The following DENND1A variants were observed in gnomAD, a reference collection of about 807,000 sequenced individuals.
DENND1A encodes the protein DENN domain-containing protein 1A.
Under a neutral mutation model 113.7 loss-of-function variants are expected in DENND1A, and 51 were observed. The observed-to-expected ratio is 0.45, with a 90% CI of 0.36 to 0.57. The LOEUF is 0.57. Ranked by LOEUF, DENND1A falls within the 20% of genes least tolerant of loss-of-function variation. DENND1A has a pLI of 0.00. For synonymous variants in DENND1A, 565 were observed against 570.8 expected (o/e 0.99, Z 0.14); for missense variants, 1,258 against 1,395.9 (o/e 0.90, Z 1.57).
At chr9:123,457,658 A>G (rs943468366) in intron 14 of DENND1A, 135 bp downstream of exon 14, 16 of 866,646 alleles carry the variant, frequency 1.8e-5, no homozygotes, top group Admixed American at 2.6e-5. Context: ...TCTTCATCCA[A>G]TCCCCCTCCC....
intron 13 of DENND1A, among the ~76,000 whole-genome samples, chr9:123,482,771 GGGAAAGTAACCTGTGTGCTCAGAGGGGAA>G (rs1564571512): frequency 6.6e-6 from 1 of 152,214 alleles, no homozygotes; most frequent in Non-Finnish European, 1.5e-5. Flanking sequence ...AAGCATTCCT[GGGAAAGTAACCTGTGTGCTCAGAGGGGAA>G]GGTGGGCAGA....
At chr9:123,573,597 C>T (rs1273837434) in intron 12 of DENND1A, among the ~76,000 whole-genome samples, 1 of 151,880 alleles carries the variant, frequency 6.6e-6, no homozygotes, top group Non-Finnish European at 1.5e-5. Context: ...TTTTCAATTG[C>T]TTGTTACTAG....
intron 2 of DENND1A, among the ~76,000 whole-genome samples, chr9:123,865,849 C>G (rs1391865434): frequency 6.6e-6 from 1 of 152,094 alleles, no homozygotes; most frequent in East Asian, 1.9e-4. Flanking sequence ...CCCACATGAC[C>G]TGACTCTAGA....
At chr9:123,505,852 T>C (rs1269786013) in intron 13 of DENND1A, among the ~76,000 whole-genome samples, 5 of 152,328 alleles carry the variant, frequency 3.3e-5, no homozygotes, top group African/African-American at 9.6e-5. Flanking sequence ...GGCTCTCGGA[T>C]GGCCTTGGGT....
intron 1 of DENND1A, among the ~76,000 whole-genome samples, chr9:123,889,637 C>T (rs1849613011): frequency 6.6e-6 from 1 of 152,102 alleles, no homozygotes; most frequent in African/African-American, 2.4e-5. Flanking sequence ...AAAAGTCTCT[C>T]CTCTACAGAG....
At chr9:123,461,576 G>T (rs753280576) in intron 13 of DENND1A, among the ~76,000 whole-genome samples, 3 of 152,236 alleles carry the variant, frequency 2.0e-5, no homozygotes, top group Non-Finnish European at 4.4e-5. Context: ...TTGGCTCAGG[G>T]TTGCCAGGAA....
chr9:123,765,808 A>G (rs187068326), intron 4 of DENND1A, among the ~76,000 whole-genome samples: 1 of 152,278 alleles, frequency 6.6e-6, no homozygotes, highest in African/African-American at 2.4e-5. Flanking sequence ...GAATCTCAAC[A>G]CTGACACTTC....
At chr9:123,578,850 G>GTA (rs1457838360) in intron 12 of DENND1A, among the ~76,000 whole-genome samples, 3 of 151,944 alleles carry the variant, frequency 2.0e-5, no homozygotes, top group Non-Finnish European at 4.4e-5. Context: ...GTTTGTGTGT[G>GTA]TGTGTGTGCA....
intron 9 of DENND1A, 138 bp from the exon 10 acceptor site, chr9:123,630,614 T>A: frequency 2.0e-6 from 1 of 509,424 alleles, no homozygotes; most frequent in Non-Finnish European, 3.1e-6. Context: ...CATTCTAAGT[T>A]AACTCAATCA....
In DENND1A at chr9:123,876,049, G is replaced by T. The variant is rs576810578; in HGVS notation, c.88+2902C>A. On this transcript the variant is annotated intron_variant, in intron 2 of 23. Transcript: ENST00000394215. ...TTATGTACTTTTTCACAAATAACAG[G>T]ACAGATATCATGGTCTGCTTACTGG... Among the ~76,000 whole-genome samples, 11 of 152,196 alleles carry T rather than the reference G, an allele frequency of 7.2e-5. No individual in the cohort carries two copies. The East Asian group carries it at 2.1e-3, about 29-fold the overall frequency.
At position 123,413,656 on chromosome 9, in the gene DENND1A, C is replaced by T. The variant is rs554473028; in HGVS notation, c.1489-1827G>A. On this transcript the variant is annotated intron_variant, in intron 19 of 23. Coordinates refer to ENST00000394215, the MANE Select transcript of DENND1A (RefSeq NM_001352964.2). ...AGAACACGATGGGATAGAATGACAC[C>T]GTGGCTTCCCAGATCCTATGCCATT... The T allele has an allele frequency of 1.1e-4, 108 of 985,442 alleles. No individual in the cohort carries two copies. In the African/African-American group the frequency reaches 1.5e-3, roughly 14 times the overall value. 61.0% of individuals were successfully genotyped at this position (985,442 alleles called of 1,614,324 possible). A position where few individuals can be genotyped will look rare whatever the true frequency, so the allele number is the denominator to read the frequency against.
Position 123,694,002 on chromosome 9 carries a change from A to AT in DENND1A, c.303-17214dup, listed in dbSNP as rs1158846185. 2.9e-3 allele frequency among the ~76,000 whole-genome samples: 399 copies of AT among 139,820 alleles called. 1 individual carries two copies. Among genetic ancestry groups the AT allele is most frequent in the South Asian group, 9.6e-3 (42 of 4,366 alleles). The allele number at this position is 139,820 out of a possible 152,430, so 91.7% of individuals were successfully genotyped here. A position where few individuals can be genotyped will look rare whatever the true frequency, so the allele number is the denominator to read the frequency against. Reference sequence around the variant, plus strand: ...GCCACCGCACCCGGCTAAATTTTGTATTTTTTTTTTTTTAGTAGAGACAGG... The same window carrying AT: ...GCCACCGCACCCGGCTAAATTTTGTATTTTTTTTTTTTTTAGTAGAGACAGG... On this transcript the variant is annotated intron_variant, in intron 5 of 23. Transcript: ENST00000394215.
At chr9:123,851,453 CGAAAT>C (rs1489844456) in intron 2 of DENND1A, among the ~76,000 whole-genome samples, 4 of 152,074 alleles carry the variant, frequency 2.6e-5, no homozygotes, top group Non-Finnish European at 5.9e-5. Flanking sequence ...GTTAAAATTA[CGAAAT>C]GGCCTCTGGG....
intron 2 of DENND1A, among the ~76,000 whole-genome samples, chr9:123,815,673 C>T (rs867793972): frequency 6.6e-6 from 1 of 152,146 alleles, no homozygotes; most frequent in African/African-American, 2.4e-5. Flanking sequence ...TACTTTATTA[C>T]TTAAAACTAA....
rs2048898043 is a variant in DENND1A, at chr9:123,465,799, A to T, written c.994-7902T>A. 2.6e-5 allele frequency among the ~76,000 whole-genome samples: 4 copies of T among 152,350 alleles called. 1 individual carries two copies. The South Asian group carries it at 6.2e-4, about 24-fold the overall frequency. ...TTTAAATGTACTATTTAATGTCATTATAAGAAAAAATAAAAATGTAAATTA... is the reference window on the plus strand; with the variant it reads ...TTTAAATGTACTATTTAATGTCATTTTAAGAAAAAATAAAAATGTAAATTA... On this transcript the variant is annotated intron_variant, in intron 13 of 23. Coordinates refer to ENST00000394215, the MANE Select transcript of DENND1A (RefSeq NM_001352964.2).
intron 10 of DENND1A, among the ~76,000 whole-genome samples, chr9:123,624,314 G>T (rs1392485276): frequency 6.6e-6 from 1 of 152,198 alleles, no homozygotes; most frequent in African/African-American, 2.4e-5. Context: ...GGTGGTGAAA[G>T]TTACTGGGCA....
intron 20 of DENND1A, 161 bp from the exon 21 acceptor site, chr9:123,403,651 T>A: frequency 1.6e-6 from 1 of 637,072 alleles, no homozygotes; most frequent in Non-Finnish European, 2.8e-6. Flanking sequence ...CATCACCATC[T>A]AATAGGCAGC....
chr9:123,478,992 C>T (rs2050129485), intron 13 of DENND1A, among the ~76,000 whole-genome samples: 1 of 152,210 alleles, frequency 6.6e-6, no homozygotes, highest in South Asian at 2.1e-4. Flanking sequence ...CTATTACAGG[C>T]TAGGCACTGC....
chr9:123,785,851 G>GAAAT (rs903722925), intron 3 of DENND1A, among the ~76,000 whole-genome samples: 36 of 152,140 alleles, frequency 2.4e-4, no homozygotes, highest in African/African-American at 8.7e-4. Context: ...AAGTTACTAA[G>GAAAT]AAATACGGAA....
Sources: gnomAD v4.1 joint callset for allele counts (sites outside exome capture counted in the v4.1 genomes callset) on GRCh38, gnomAD v4.1.1 for gene constraint, MANE v1.5 for transcripts, NCBI Gene and HGNC (gene_info 2026-07-23, HGNC 2026-07-21) for gene names.